The following EPHA6 variants were observed in gnomAD, a reference collection of about 807,000 sequenced individuals.
EPHA6 encodes the protein EPH receptor A6, also known as ephrin type-A receptor 6.
A neutral mutation model predicts 112.0 loss-of-function variants in EPHA6; 50 were observed. That is an observed-to-expected ratio of 0.45 (90% confidence interval 0.36 to 0.56). The LOEUF is 0.56. EPHA6 is among the 20% of genes least tolerant of loss of function. The pLI is 0.00. For synonymous variants in EPHA6, 529 were observed against 490.7 expected, an observed-to-expected ratio of 1.08 and a Z score of -1.03; for missense variants, 1,280 against 1,417.4, an observed-to-expected ratio of 0.90 and a Z score of 1.56.
chr3:97,131,982 G>A (rs528734358), intron 3 of EPHA6, among the ~76,000 whole-genome samples: 1 of 152,082 alleles, frequency 6.6e-6, no homozygotes, highest in Admixed American at 6.6e-5. Context: ...AACAGATTAG[G>A]TAAATTTAAA....
chr3:97,295,911 G>T (rs561245260), intron 5 of EPHA6, among the ~76,000 whole-genome samples: 1 of 152,270 alleles, frequency 6.6e-6, no homozygotes, highest in South Asian at 2.1e-4. Context: ...CCCAGTGGTG[G>T]CAGCAGTGGG....
intron 3 of EPHA6, among the ~76,000 whole-genome samples, chr3:97,210,793 GC>G (rs552479484): frequency 0.01 from 1,572 of 152,298 alleles, 20 homozygotes; most frequent in Non-Finnish European, 0.016. Flanking sequence ...TGTAATGTGA[GC>G]CAGGATTGGC....
At chr3:96,835,629 T>C (rs569334991) in intron 1 of EPHA6, among the ~76,000 whole-genome samples, 29 of 152,026 alleles carry the variant, frequency 1.9e-4, no homozygotes, top group Non-Finnish European at 2.1e-4. Context: ...CTATGCTAAG[T>C]GGTTTTTGCT....
rs549983655 is a variant in EPHA6, at chr3:97,127,840, G to A, written c.1115-98424G>A. The stretch of plus-strand genomic sequence containing the variant: ...ATCAGGACCATTCTATGGTGATCTG[G>A]ATGAAAGCTGTGAAATTCAATATTC... On this transcript the variant is annotated intron_variant, in intron 3 of 17. Coordinates refer to ENST00000389672, the MANE Select transcript of EPHA6 (RefSeq NM_001080448.3). 4.6e-5 allele frequency among the ~76,000 whole-genome samples: 7 copies of A among 151,888 alleles called. No individual in the cohort carries two copies. In the East Asian group the frequency reaches 1.4e-3, roughly 29 times the overall value.
intron 2 of EPHA6, among the ~76,000 whole-genome samples, chr3:96,897,211 A>C (rs866321061): frequency 2.7e-4 from 39 of 143,418 alleles, no homozygotes; most frequent in African/African-American, 8.7e-4. Context: ...TGTATATACA[A>C]ACACACACAC....
intron 3 of EPHA6, among the ~76,000 whole-genome samples, chr3:97,019,932 GT>G (rs1197949091): frequency 6.6e-6 from 1 of 151,982 alleles, no homozygotes; most frequent in Admixed American, 6.6e-5. Flanking sequence ...ATTTCTCCTT[GT>G]ATTCATGCTT....
At chr3:96,988,027 A>C in intron 3 of EPHA6, 34 bp downstream of exon 3, 2 of 1,483,104 alleles carry the variant, frequency 1.3e-6, no homozygotes, top group Non-Finnish European at 1.8e-6. Flanking sequence ...TTTATCTTGC[A>C]TTTAAATGAT....
At chr3:97,582,303 G>A (rs990336823) in intron 11 of EPHA6, among the ~76,000 whole-genome samples, 3 of 152,064 alleles carry the variant, frequency 2.0e-5, no homozygotes, top group African/African-American at 7.2e-5. Context: ...TGCTAGCATT[G>A]CAGGTGTGAG....
intron 5 of EPHA6, among the ~76,000 whole-genome samples, chr3:97,273,316 T>C (rs1290791237): frequency 6.6e-6 from 1 of 152,190 alleles, no homozygotes; most frequent in Admixed American, 6.5e-5. Context: ...TCAGCTGTGA[T>C]GGCTTGGAGA....
At chr3:96,930,853 A>G (rs2040276378) in intron 2 of EPHA6, among the ~76,000 whole-genome samples, 1 of 151,822 alleles carries the variant, frequency 6.6e-6, no homozygotes, top group Non-Finnish European at 1.5e-5. Flanking sequence ...TTAGCCAGGC[A>G]TGGTGGCATG....
At chr3:97,403,198 C>T (rs935935556) in intron 5 of EPHA6, among the ~76,000 whole-genome samples, 21 of 151,696 alleles carry the variant, frequency 1.4e-4, no homozygotes, top group Non-Finnish European at 2.9e-4. Context: ...ATTACAATAC[C>T]AATACTAACA....
chr3:97,035,900 T>C (rs1420876560), intron 3 of EPHA6, among the ~76,000 whole-genome samples: 4 of 151,958 alleles, frequency 2.6e-5, no homozygotes, highest in African/African-American at 9.7e-5. Context: ...GGATTCTCAG[T>C]GTGATGATAT....
At chr3:97,397,056 A>C (rs1175046047) in intron 5 of EPHA6, among the ~76,000 whole-genome samples, 1 of 151,706 alleles carries the variant, frequency 6.6e-6, no homozygotes, top group Non-Finnish European at 1.5e-5. Flanking sequence ...TTTTTCTTGA[A>C]GGTCAAAGCT....
At chr3:97,012,640 TAAAG>T (rs998387519) in intron 3 of EPHA6, among the ~76,000 whole-genome samples, 5 of 147,062 alleles carry the variant, frequency 3.4e-5, no homozygotes, top group Non-Finnish European at 7.4e-5. Context: ...TTTTTTTTTT[TAAAG>T]AAACTGGGTT....
intron 4 of EPHA6, among the ~76,000 whole-genome samples, chr3:97,235,242 C>A (rs1241644604): frequency 1.3e-5 from 2 of 152,086 alleles, no homozygotes; most frequent in African/African-American, 2.4e-5. Flanking sequence ...CAAGAGACTA[C>A]AAGGTACCTG....
intron 3 of EPHA6, among the ~76,000 whole-genome samples, chr3:97,157,612 C>A (rs1475555088): frequency 1.3e-5 from 2 of 150,176 alleles, no homozygotes. Context: ...CTGCAGTCAG[C>A]AAGCTGGAGA....
In EPHA6 at chr3:97,180,528, G is replaced by A. The variant is rs115573241; in HGVS notation, c.1115-45736G>A. On this transcript the variant is annotated intron_variant, in intron 3 of 17. Coordinates refer to ENST00000389672, the MANE Select transcript of EPHA6 (RefSeq NM_001080448.3). ...AACCACCAGGTTTCAGAGGATCACT[G>A]CTGGTTATTCAGGGTCCAAGAGCTC... Among the ~76,000 whole-genome samples, 928 of 152,186 alleles carry A rather than the reference G, an allele frequency of 6.1e-3. 6 individuals are homozygous for A. Among genetic ancestry groups the A allele is most frequent in the African/African-American group, 0.021 (886 of 41,532 alleles).
intron 3 of EPHA6, among the ~76,000 whole-genome samples, chr3:97,003,390 A>G (rs2043745666): frequency 6.6e-6 from 1 of 152,002 alleles, no homozygotes; most frequent in Admixed American, 6.6e-5. Context: ...TTATAGGCCA[A>G]TTTCTTAACT....
chr3:96,826,728 C>T (rs2033685044), intron 1 of EPHA6, among the ~76,000 whole-genome samples: 1 of 151,928 alleles, frequency 6.6e-6, no homozygotes, highest in Non-Finnish European at 1.5e-5. Context: ...TTTTCCCAAG[C>T]TGTCTTTTAA....
Sources: allele counts gnomAD v4.1 joint callset (sites outside exome capture counted in the v4.1 genomes callset), GRCh38; gene constraint gnomAD v4.1.1; transcripts MANE v1.5; gene names NCBI Gene and HGNC (gene_info 2026-07-23, HGNC 2026-07-21).